The following ALDH1L2 variants were observed in gnomAD, a reference collection of about 807,000 sequenced individuals.
ALDH1L2 encodes aldehyde dehydrogenase 1 family member L2.
Under a neutral mutation model 111.0 loss-of-function variants are expected in ALDH1L2, and 91 were observed. The observed-to-expected ratio is 0.82, with a 90% confidence interval of 0.69 to 0.98. ALDH1L2 has a LOEUF of 0.98. Ranked by LOEUF, ALDH1L2 falls within the 50% of genes least tolerant of loss-of-function variation. ALDH1L2 has a pLI of 0.00. For synonymous variants in ALDH1L2, 374 were observed against 392.6 expected, an observed-to-expected ratio of 0.95 and a Z score of 0.56; for missense variants, 995 against 1,126.8, an observed-to-expected ratio of 0.88 and a Z score of 1.67.
intron 9 of ALDH1L2, 64 bp downstream of exon 9, chr12:105,060,917 C>T: frequency 6.8e-7 from 1 of 1,477,520 alleles, no homozygotes. Context: ...ATTTCACTGT[C>T]AAAGCCAAAG....
chr12:105,040,779 C>T, intron 15 of ALDH1L2, 85 bp from the exon 16 acceptor site: 1 of 1,035,926 alleles, frequency 9.7e-7, no homozygotes, highest in Non-Finnish European at 1.5e-6. Context: ...GATAGCTGCA[C>T]TAGATCTCAT....
chr12:105,053,651 C>T (rs1876433597), intron 10 of ALDH1L2, among the ~76,000 whole-genome samples: 2 of 152,110 alleles, frequency 1.3e-5, no homozygotes, highest in South Asian at 4.2e-4. Context: ...TTGCCTTTTC[C>T]CACACTGAGT....
At chr12:105,070,481 G>C (rs778125784) in intron 3 of ALDH1L2, 89 bp downstream of exon 3, 6 of 1,093,450 alleles carry the variant, frequency 5.5e-6, no homozygotes, top group Non-Finnish European at 6.4e-6. Context: ...GAGGCAGAAG[G>C]ATCATTTGAG....
chr12:105,056,313 T>C (rs1338626752), intron 10 of ALDH1L2, among the ~76,000 whole-genome samples: 1 of 152,006 alleles, frequency 6.6e-6, no homozygotes, highest in Non-Finnish European at 1.5e-5. Flanking sequence ...AACAAAAATA[T>C]CCTTCAGAAA....
chr12:105,029,456 T>C (rs571680375), intron 21 of ALDH1L2, among the ~76,000 whole-genome samples: 2 of 152,284 alleles, frequency 1.3e-5, no homozygotes, highest in Non-Finnish European at 2.9e-5. Context: ...CCCTGTTAGA[T>C]AATAAACTCC....
chr12:105,024,697 T>G (rs1160737120), intron 22 of ALDH1L2, among the ~76,000 whole-genome samples: 3 of 152,030 alleles, frequency 2.0e-5, no homozygotes, highest in African/African-American at 7.3e-5. Context: ...GGCCCAGAGG[T>G]TTTGTGTTGC....
chr12:105,042,407 T>TTTGTTG (rs71440562), intron 15 of ALDH1L2, among the ~76,000 whole-genome samples: 20 of 151,922 alleles, frequency 1.3e-4, no homozygotes, highest in Admixed American at 2.6e-4. Flanking sequence ...TTTGGGTTTT[T>TTTGTTG]TTGTTGTTGT....
At chr12:105,046,605 C>A in intron 15 of ALDH1L2, 105 bp downstream of exon 15, 3 of 978,824 alleles carry the variant, frequency 3.1e-6, no homozygotes, top group South Asian at 3.3e-5. Context: ...AGAAAAATGC[C>A]ATACCATCTC....
Position 105,070,630 on chromosome 12 carries a change from C to T in ALDH1L2, c.368G>A (p.Gly123Asp). 3 of 1,614,062 alleles carry T rather than the reference C, an allele frequency of 1.9e-6. No homozygotes were observed. The highest frequency in any genetic ancestry group is 2.5e-6 in the Non-Finnish European group (3 of 1,180,014). Reference protein sequence around the residue: ...PMDIIDSPKHGSIIYHPSILP... With the variant: ...PMDIIDSPKHDSIIYHPSILP... ...GATGGATGGGTGATAAATGATAGAG[C>T]CGTGCTTTGGACTATCAATTATATC... Residue 123 changes from glycine to aspartate, a missense_variant, in exon 3 of 23, where the codon GGC (glycine) becomes GAC (aspartate). Transcript: ENST00000258494.
rs567357932 is a variant in ALDH1L2, at chr12:105,028,648, A to G, written c.2516+1676T>C. 7.9e-5 allele frequency among the ~76,000 whole-genome samples: 12 copies of G among 152,350 alleles called. No individual in the cohort carries two copies. In the South Asian group the frequency reaches 2.5e-3, roughly 32 times the overall value. On this transcript the variant is annotated intron_variant, in intron 21 of 22. Coordinates refer to ENST00000258494, the MANE Select transcript of ALDH1L2 (RefSeq NM_001034173.4). ...ACTCTCACACTTCTTGATGCATTGC[A>G]TATGGTAGGGACCCAAATATTTATA...
At chr12:105,084,041 A>G (rs1325367615) in intron 1 of ALDH1L2, among the ~76,000 whole-genome samples, 2 of 152,016 alleles carry the variant, frequency 1.3e-5, no homozygotes, top group Non-Finnish European at 2.9e-5. Flanking sequence ...GGATCTCATG[A>G]TTGAAGTGAA....
rs1024471901 is a variant in ALDH1L2 at position 105,051,967 on chromosome 12, G to A, written c.1535+123C>T. On this transcript the variant is annotated intron_variant, in intron 12 of 22. Transcript: ENST00000258494. ...TCACGCCTGTAATCCCAGCACTTTG[G>A]GAGGCTGAGGCAGGTGAATCACCTG... 1.0e-5 allele frequency: 9 copies of A among 897,636 alleles called. No homozygotes were observed. The East Asian group carries it at 2.0e-4, about 19-fold the overall frequency. The allele number at this position is 897,636 out of a possible 1,614,324, so 55.6% of individuals were successfully genotyped here.
Position 105,058,216 on chromosome 12 carries a change from C to T in ALDH1L2, c.1144G>A (p.Val382Ile), listed in dbSNP as rs376400685. ...CCACATTTCTGTCTGATCTCTTCAACCAGCCTTAAAGTAAAAACCAGCTTC... is the reference window on the plus strand; with the variant it reads ...CCACATTTCTGTCTGATCTCTTCAATCAGCCTTAAAGTAAAAACCAGCTTC... Reference protein sequence around the residue: ...GASSMDVARLVEEIRQKCGGL... With the variant: ...GASSMDVARLIEEIRQKCGGL... The change falls in exon 10 of 23, where the codon GTT (valine) becomes ATT (isoleucine). Residue 382 changes from valine to isoleucine, a missense_variant. Val to Ile is a conservative substitution (Grantham distance 29, BLOSUM62 3). Transcript: ENST00000258494. The T allele has an allele frequency of 7.6e-4, 1,216 of 1,604,770 alleles. 10 individuals are homozygous for T. The South Asian group carries it at 0.012, about 16-fold the overall frequency.
intron 9 of ALDH1L2, among the ~76,000 whole-genome samples, chr12:105,058,939 G>T (rs1358574474): frequency 6.6e-6 from 1 of 151,978 alleles, no homozygotes; most frequent in East Asian, 1.9e-4. Flanking sequence ...AGTAATTCCT[G>T]CAGGAGTATC....
chr12:105,030,289 C>A, intron 21 of ALDH1L2, 35 bp downstream of exon 21: 1 of 1,573,502 alleles, frequency 6.4e-7, no homozygotes, highest in South Asian at 1.2e-5. Context: ...CTTATCTAGT[C>A]AAAACCTAAG....
rs1874427876 is a variant in ALDH1L2 at position 105,026,703 on chromosome 12, T to C, written c.2558A>G (p.Tyr853Cys). 2.5e-6 allele frequency: 4 copies of C among 1,614,202 alleles called. 1 individual carries two copies. The Middle Eastern group carries it at 5.0e-4, about 200-fold the overall frequency. ...GVLQRANSTE[Y>C]GLASGVFTRD... ...TGTAAAAACCCCTGAGGCCAAACCA[T>C]ACTCTGTACTATTTGCTCGCTGCAA... Residue 853 changes from tyrosine (Y) to cysteine (C), a missense_variant, in exon 22 of 23, where the codon TAT becomes TGT. Transcript: ENST00000258494.
intron 15 of ALDH1L2, 64 bp from the exon 16 acceptor site, chr12:105,040,758 A>G: frequency 1.5e-6 from 2 of 1,347,226 alleles, no homozygotes; most frequent in Non-Finnish European, 2.1e-6. Flanking sequence ...CCCAGAACCC[A>G]GTTTTCCCTT....
chr12:105,074,447 G>A (rs1288939853), intron 1 of ALDH1L2, among the ~76,000 whole-genome samples: 1 of 101,706 alleles, frequency 9.8e-6, no homozygotes, highest in East Asian at 3.1e-4. Context: ...GACAGAGCAA[G>A]ACTCTGTCTC....
intron 22 of ALDH1L2, 53 bp from the exon 23 acceptor site, chr12:105,024,532 G>A (rs1328794965): frequency 2.6e-6 from 4 of 1,558,334 alleles, no homozygotes; most frequent in African/African-American, 1.4e-5. Flanking sequence ...GACATGTGAT[G>A]TCTTCAGACC....
Sources: gnomAD v4.1 joint callset for allele counts (sites outside exome capture counted in the v4.1 genomes callset) on GRCh38, gnomAD v4.1.1 for gene constraint, MANE v1.5 for transcripts, NCBI Gene and HGNC (gene_info 2026-07-23, HGNC 2026-07-21) for gene names.